SLC5A10: variants seen among roughly 807,000 people sequenced by gnomAD.
The protein encoded by SLC5A10 is solute carrier family 5 member 10, also known as sodium/mannose cotransporter SLC5A10.
SLC5A10 carries 55 observed loss-of-function variants against 68.9 expected under a neutral mutation model. That is an observed-to-expected ratio of 0.80 (90% CI 0.64 to 1.00). The LOEUF (loss-of-function observed/expected upper bound fraction) is 1.00. SLC5A10 is among the 50% of genes least tolerant of loss of function. The pLI, the probability that SLC5A10 is intolerant of heterozygous loss-of-function variation, is 0.00. For missense variants in SLC5A10, 732 were observed against 819.3 expected, an observed-to-expected ratio of 0.89 and a Z score of 1.30; for synonymous variants, 344 against 344.8, an observed-to-expected ratio of 1.00 and a Z score of 0.02.
intron 5 of SLC5A10, among the ~76,000 whole-genome samples, chr17:18,964,139 T>G: frequency 6.6e-6 from 1 of 151,998 alleles, no homozygotes; most frequent in African/African-American, 2.4e-5. Context: ...CCCCTTCCTC[T>G]CTCTACCCCC....
intron 9 of SLC5A10, among the ~76,000 whole-genome samples, chr17:18,992,913 A>C (rs2043465001): frequency 6.6e-6 from 1 of 152,190 alleles, no homozygotes; most frequent in Non-Finnish European, 1.5e-5. Flanking sequence ...CCTGCCTCAC[A>C]GGTGCCAACA....
intron 1 of SLC5A10, 70 bp downstream of exon 1, chr17:18,952,386 C>T: frequency 6.6e-7 from 1 of 1,524,188 alleles, no homozygotes; most frequent in Middle Eastern, 1.7e-4. Flanking sequence ...GAACCGGGGT[C>T]CAGCATGTCC....
chr17:18,960,689 A>C, intron 5 of SLC5A10, 37 bp downstream of exon 5: 2 of 1,585,312 alleles, frequency 1.3e-6, no homozygotes, highest in Non-Finnish European at 1.7e-6. Context: ...CATAGCCTGG[A>C]AACATCGCCA....
intron 9 of SLC5A10, among the ~76,000 whole-genome samples, chr17:18,991,348 A>G (rs1418258486): frequency 2.0e-5 from 3 of 152,222 alleles, no homozygotes; most frequent in African/African-American, 7.2e-5. Flanking sequence ...TGGCTTCCCC[A>G]TCTGTCAAAT....
chr17:19,020,212 G>A lies in SLC5A10; in HGVS notation c.1684G>A (p.Gly562Ser). Residue 562 changes from glycine (G) to serine (S), a missense_variant and splice_region_variant, in exon 14 of 15, where the codon GGT (glycine) becomes AGT (serine). Transcript: ENST00000395645. ...GGATGTGCCCTTGGGAACTAAAGCA[G>A]GTAAGTGGATGACCCTAGGCACTCC... is the stretch of plus-strand genomic sequence containing the variant. ...AQDVPLGTKA[G>S]DGQTPQKHAF... The A allele has an allele frequency of 1.9e-6, 3 of 1,605,964 alleles. No individual in the cohort carries two copies. The highest frequency in any genetic ancestry group is 2.6e-6 in the Non-Finnish European group (3 of 1,175,556).
At chr17:18,982,294 C>T (rs992809643) in intron 9 of SLC5A10, among the ~76,000 whole-genome samples, 8 of 152,210 alleles carry the variant, frequency 5.3e-5, no homozygotes, top group African/African-American at 1.9e-4. Context: ...CAGGGCCCCC[C>T]ACCTCTTGCC....
Position 19,019,545 on chromosome 17 carries a change from C to T in SLC5A10, c.1364C>T (p.Thr455Ile). 1 of 1,612,414 alleles carries T rather than the reference C, an allele frequency of 6.2e-7. No homozygotes were observed. Among genetic ancestry groups the T allele is most frequent in the Non-Finnish European group, 8.5e-7 (1 of 1,179,982 alleles). Residue 455 changes from threonine to isoleucine, a missense_variant, in exon 12 of 15, where the codon ACT becomes ATT. Coordinates refer to ENST00000395645, the MANE Select transcript of SLC5A10 (RefSeq NM_001042450.4). ...SVTSSLAPPVTAVFVLGVFWR... is the reference protein window; with the variant it reads ...SVTSSLAPPVIAVFVLGVFWR... The stretch of plus-strand genomic sequence containing the variant: ...ACCAGCTCCCTGGCCCCACCAGTGA[C>T]TGCAGTCTTTGTCCTGGGCGTCTTC...
At chr17:18,981,166 C>T (rs1038728984) in intron 9 of SLC5A10, among the ~76,000 whole-genome samples, 1 of 152,168 alleles carries the variant, frequency 6.6e-6, no homozygotes, top group Non-Finnish European at 1.5e-5. Context: ...AGCTGAATGC[C>T]CAGGATCGCA....
intron 9 of SLC5A10, chr17:18,977,961 C>T (rs1335655197): frequency 1.9e-5 from 30 of 1,597,364 alleles, no homozygotes; most frequent in East Asian, 1.8e-4. Context: ...AGCCCCACCC[C>T]GAGGCTCTCG....
chr17:18,954,666 GC>G (rs1361421861), intron 1 of SLC5A10, among the ~76,000 whole-genome samples: 2 of 152,206 alleles, frequency 1.3e-5, no homozygotes, highest in Admixed American at 6.5e-5. Flanking sequence ...CCGGGGGGAG[GC>G]CTTTAAGGAA....
Position 19,015,040 on chromosome 17 carries a change from C to G in SLC5A10, c.1091-9C>G. On this transcript the variant is annotated splice_polypyrimidine_tract_variant and intron_variant, in intron 10 of 14. Transcript: ENST00000395645. ...CGGACAGGGTCACACATCCCCCGTC[C>G]CACCCCAGGTCTGCGGGGGCTGATG... 6.2e-7 allele frequency: 1 copy of G among 1,611,314 alleles called. No individual in the cohort carries two copies. Among genetic ancestry groups the G allele is most frequent in the Non-Finnish European group, 8.5e-7 (1 of 1,177,952 alleles).
At chr17:18,954,650 C>T (rs1330504677) in intron 1 of SLC5A10, among the ~76,000 whole-genome samples, 2 of 152,070 alleles carry the variant, frequency 1.3e-5, no homozygotes, top group Admixed American at 6.6e-5. Flanking sequence ...GAGAGTCTGG[C>T]GGGGGCCGGG....
In SLC5A10 at chr17:19,020,341, C is replaced by A; in HGVS notation, c.1701C>A (p.Pro567=). The part of the protein sequence containing the change: ...LGTKAGDGQT[P]QKHAFWARVC... ...CCCCTCCAGGTGATGGCCAAACACCCCAGAAACACGCCTTCTGGGCCCGTG... is the reference window on the plus strand; with the variant it reads ...CCCCTCCAGGTGATGGCCAAACACCACAGAAACACGCCTTCTGGGCCCGTG... The change falls in exon 15 of 15, where the codon CCC becomes CCA. Residue 567 remains proline (P), a synonymous_variant. Coordinates refer to ENST00000395645, the MANE Select transcript of SLC5A10 (RefSeq NM_001042450.4). 6.8e-6 allele frequency: 11 copies of A among 1,614,166 alleles called. No homozygotes were observed. The highest frequency in any genetic ancestry group is 9.3e-6 in the Non-Finnish European group (11 of 1,180,038).
intron 8 of SLC5A10, among the ~76,000 whole-genome samples, chr17:18,973,443 C>T (rs2042904584): frequency 6.6e-6 from 1 of 152,248 alleles, no homozygotes; most frequent in Non-Finnish European, 1.5e-5. Context: ...GAGCTGTAGC[C>T]TGGCCTCTGC....
intron 9 of SLC5A10, among the ~76,000 whole-genome samples, chr17:19,001,994 G>A (rs1030882792): frequency 1.3e-5 from 2 of 152,312 alleles, no homozygotes; most frequent in Admixed American, 6.5e-5. Flanking sequence ...TGTGGGGACT[G>A]GGTTCTCTAG....
chr17:19,005,056 G>T (rs1810016364), intron 9 of SLC5A10, among the ~76,000 whole-genome samples: 1 of 152,210 alleles, frequency 6.6e-6, no homozygotes, highest in Non-Finnish European at 1.5e-5. Flanking sequence ...GGGTCTGTTG[G>T]TGATCCTGGA....
intron 9 of SLC5A10, among the ~76,000 whole-genome samples, chr17:18,983,661 C>T (rs922861574): frequency 1.3e-5 from 2 of 152,200 alleles, no homozygotes; most frequent in Non-Finnish European, 2.9e-5. Flanking sequence ...AGGCCTCCAG[C>T]AGCCTCTACT....
rs766198807 is a variant in SLC5A10, at chr17:19,000,891, T to C, written c.983-12519T>C. ...CGTCAGTGTCCGGGCCCTGCCCCTG[T>C]GAGCCTGGGAAGCAGCTGGGGCAGG... On this transcript the variant is annotated intron_variant, in intron 9 of 14. Transcript: ENST00000395645. The surrounding 1 kb of genome is among the most constrained non-coding windows in gnomAD (Gnocchi z 5.2). Among the ~76,000 whole-genome samples the C allele has an allele frequency of 9.2e-5, 14 of 152,138 alleles. No individual in the cohort carries two copies. Among genetic ancestry groups the C allele is most frequent in the Non-Finnish European group, 1.8e-4 (12 of 68,014 alleles).
At chr17:18,992,458 C>T (rs987186070) in intron 9 of SLC5A10, among the ~76,000 whole-genome samples, 1 of 152,204 alleles carries the variant, frequency 6.6e-6, no homozygotes, top group African/African-American at 2.4e-5. Context: ...AAGGAGAACC[C>T]CACCTGTGGC....
Sources: allele counts gnomAD v4.1 joint callset (sites outside exome capture counted in the v4.1 genomes callset), GRCh38; gene constraint gnomAD v4.1.1; non-coding constraint Gnocchi (gnomAD v3.1); transcripts MANE v1.5; gene names NCBI Gene and HGNC (gene_info 2026-07-23, HGNC 2026-07-21).